Variants in COX15 observed in about 807,000 individuals in gnomAD.
The protein encoded by COX15 is cytochrome c oxidase assembly factor COX15.
A neutral mutation model predicts 51.9 loss-of-function variants in COX15; 51 were observed. That is an observed-to-expected ratio of 0.98 (90% CI 0.78 to 1.24). The LOEUF (loss-of-function observed/expected upper bound fraction) is 1.24, where lower values mean the gene tolerates loss of function less well. COX15 is among the 50% of genes most tolerant of loss of function. The pLI is 0.00. For missense variants in COX15, 420 were observed against 501.1 expected (o/e 0.84, Z 1.55); for synonymous variants, 188 against 190.5 (o/e 0.99, Z 0.11).
the COX15 span, chr10:99,698,428 T>C: frequency 3.6e-6 from 4 of 1,123,276 alleles, no homozygotes; most frequent in African/African-American, 4.7e-5. Flanking sequence ...AGAGATATCA[T>C]GAAAACCAGT....
At position 99,727,271 on chromosome 10, in the gene COX15, T is replaced by C. The variant is rs2036991257; in HGVS notation, c.396-117A>G. On this transcript the variant is annotated intron_variant, in intron 3 of 8. Coordinates refer to ENST00000016171, the MANE Select transcript of COX15 (RefSeq NM_078470.6). Reference sequence around the variant, plus strand: ...CCTGCAACTTGGTAGGTCTGCCCTCTTCCTCATCAACGACCTCAGGATGAC... The same window carrying C: ...CCTGCAACTTGGTAGGTCTGCCCTCCTCCTCATCAACGACCTCAGGATGAC... 1.8e-5 allele frequency: 25 copies of C among 1,427,920 alleles called. No individual in the cohort carries two copies. The South Asian group carries it at 2.5e-4, about 14-fold the overall frequency. The allele number at this position is 1,427,920 out of a possible 1,614,324, so 88.5% of individuals were successfully genotyped here.
chr10:99,724,735 TAA>T (rs780039476), intron 4 of COX15, among the ~76,000 whole-genome samples: 7 of 142,934 alleles, frequency 4.9e-5, no homozygotes, highest in South Asian at 2.2e-4. Flanking sequence ...TGATGAGCTT[TAA>T]AAAAAAAAAA....
At chr10:99,709,110 T>C, downstream of COX15, 1 of 982,364 alleles carries the variant, frequency 1.0e-6, no homozygotes, top group Non-Finnish European at 1.2e-6. Context: ...TTTATACAAT[T>C]TCCTTTACTA....
intron 4 of COX15, 24 bp from the exon 5 acceptor site, chr10:99,724,147 A>C: frequency 6.2e-7 from 1 of 1,613,706 alleles, no homozygotes; most frequent in Admixed American, 1.7e-5. Flanking sequence ...GAGATGAAGC[A>C]AACAAAACAA....
At chr10:99,717,796 T>C (rs1233880216) in intron 7 of COX15, among the ~76,000 whole-genome samples, 2 of 152,212 alleles carry the variant, frequency 1.3e-5, no homozygotes, top group Non-Finnish European at 2.9e-5. Flanking sequence ...AGCAGCACTA[T>C]GCTTCTCACA....
Position 99,722,224 on chromosome 10 carries a change from T to C in COX15, c.751-1156A>G, listed in dbSNP as rs1389048885. Among the ~76,000 whole-genome samples the C allele has an allele frequency of 4.6e-5, 7 of 152,326 alleles. No individual in the cohort carries two copies. In the East Asian group the frequency reaches 1.4e-3, roughly 29 times the overall value. ...CTAGTAGCTACTGTGTTGGACAGCATAGCACTATATGGCTCATTGGGTAGC... is the reference window on the plus strand; with the variant it reads ...CTAGTAGCTACTGTGTTGGACAGCACAGCACTATATGGCTCATTGGGTAGC... On this transcript the variant is annotated intron_variant, in intron 5 of 8. Coordinates refer to ENST00000016171, the MANE Select transcript of COX15 (RefSeq NM_078470.6).
intron 5 of COX15, chr10:99,723,106 C>G (rs1354175890): frequency 6.6e-6 from 1 of 151,922 alleles, no homozygotes; most frequent in Non-Finnish European, 1.5e-5. Flanking sequence ...GAACAGCTTA[C>G]TCAGGTCAAC....
chr10:99,716,435 T>C lies in COX15; in HGVS notation c.1014A>G (p.Thr338=), dbSNP rs1345558563. The part of the protein sequence containing the change: ...ILGITSVTAI[T]VLYFLSRRIP... ...TTCTCCGAGAGAGGAAGTAGAGCAC[T>C]GTAATGGCAGTGACTGAAGTGATTC... Residue 338 remains threonine, a synonymous_variant, in exon 8 of 9, where the codon ACA becomes ACG. Transcript: ENST00000016171. The C allele has an allele frequency of 6.2e-7, 1 of 1,613,454 alleles. No homozygotes were observed. Among genetic ancestry groups the C allele is most frequent in the East Asian group, 2.2e-5 (1 of 44,872 alleles).
intron 7 of COX15, 143 bp from the exon 8 acceptor site, chr10:99,716,604 T>C: frequency 1.6e-6 from 1 of 643,060 alleles, no homozygotes; most frequent in Non-Finnish European, 2.9e-6. Context: ...AGTCCCAGCC[T>C]GATCACTCCT....
chr10:99,715,480 A>G (rs1165299506), intron 8 of COX15, among the ~76,000 whole-genome samples: 1 of 149,300 alleles, frequency 6.7e-6, no homozygotes, highest in Non-Finnish European at 1.5e-5. Context: ...ATTTTTCACT[A>G]TCACAATTCT....
chr10:99,714,614 C>T lies in COX15; in HGVS notation c.1206G>A (p.Met402Ile). ...ATTTTGGGACTCTTCGGAGTTCATTCATCAGCCAAAGAGCACCAGTGAGCA... is the reference window on the plus strand; with the variant it reads ...ATTTTGGGACTCTTCGGAGTTCATTTATCAGCCAAAGAGCACCAGTGAGCA... ...LALLTGALWL[M>I]NELRRVPK Residue 402 changes from methionine to isoleucine, a missense_variant, in exon 9 of 9, where the codon ATG becomes ATA. By Grantham distance (10) the Met-to-Ile change is conservative. Coordinates refer to ENST00000016171, the MANE Select transcript of COX15 (RefSeq NM_078470.6). 6.2e-7 allele frequency: 1 copy of T among 1,614,118 alleles called. No individual in the cohort carries two copies. The highest frequency in any genetic ancestry group is 1.1e-5 in the South Asian group (1 of 91,082).
chr10:99,711,737 T>C lies in COX15; in HGVS notation c.*2850A>G, dbSNP rs895123603. ...GAAGTTGGGAATCTCTTCTAGGCAA[T>C]AGCATAAGCCCAGCCAGGGTCCAGC... On this transcript the variant is annotated 3_prime_UTR_variant, in exon 9 of 9. Coordinates refer to ENST00000016171, the MANE Select transcript of COX15 (RefSeq NM_078470.6). The C allele has an allele frequency of 1.2e-5, 12 of 985,320 alleles. No individual in the cohort carries two copies. The Admixed American group carries it at 1.8e-4, about 15-fold the overall frequency. 61.0% of individuals were successfully genotyped at this position (985,320 alleles called of 1,614,324 possible).
intron 1 of COX15, among the ~76,000 whole-genome samples, chr10:99,731,481 G>A (rs2037143397): frequency 1.3e-5 from 2 of 152,094 alleles, no homozygotes; most frequent in African/African-American, 4.8e-5. Flanking sequence ...ATATCCCTGT[G>A]AGTCCAAAGA....
the COX15 span, among the ~76,000 whole-genome samples, chr10:99,697,107 C>T: frequency 6.6e-6 from 1 of 152,160 alleles, no homozygotes; most frequent in Non-Finnish European, 1.5e-5. Flanking sequence ...ATATTTACGG[C>T]ATGTTGAAGA....
At chr10:99,717,258 C>A (rs550901429) in intron 7 of COX15, among the ~76,000 whole-genome samples, 49 of 152,334 alleles carry the variant, frequency 3.2e-4, no homozygotes, top group African/African-American at 1.2e-3. Flanking sequence ...CACACTCATT[C>A]TGAGGGTCCC....
At chr10:99,731,923 C>A in intron 1 of COX15, 37 bp downstream of exon 1, 1 of 1,581,510 alleles carries the variant, frequency 6.3e-7, no homozygotes. Flanking sequence ...CACTCCATCC[C>A]CGCTCCCGCG....
At position 99,732,084 on chromosome 10, in the gene COX15, C is replaced by T. The variant is rs959021121; in HGVS notation, c.-35G>A. The T allele has an allele frequency of 3.2e-5, 52 of 1,601,392 alleles. No homozygotes were observed. Among genetic ancestry groups the T allele is most frequent in the Non-Finnish European group, 4.3e-5 (51 of 1,173,924 alleles). The stretch of plus-strand genomic sequence containing the variant: ...AGGGAACAGCCACCTCTTCCACAAC[C>T]CAGGGCTCTGTGGTCTCCCTCCTCC... On this transcript the variant is annotated 5_prime_UTR_variant, in exon 1 of 9. Coordinates refer to ENST00000016171, the MANE Select transcript of COX15 (RefSeq NM_078470.6).
chr10:99,707,525 T>C (rs2036276169), downstream of COX15, among the ~76,000 whole-genome samples: 1 of 152,274 alleles, frequency 6.6e-6, no homozygotes. Context: ...TTTGCATTTC[T>C]GCACTTTGGT....
chr10:99,711,285 AT>A lies in COX15; in HGVS notation c.*3301del. On this transcript the variant is annotated 3_prime_UTR_variant, in exon 9 of 9. Coordinates refer to ENST00000016171, the MANE Select transcript of COX15 (RefSeq NM_078470.6). ...CTTCCTTGGAGGCAACTGTAGAAGC[AT>A]TAATATATGGTTCTTTGGGTTGGGT... 1 of 985,438 alleles carries A rather than the reference AT, an allele frequency of 1.0e-6. No homozygotes were observed. The highest frequency in any genetic ancestry group is 1.2e-6 in the Non-Finnish European group (1 of 829,926). The allele number at this position is 985,438 out of a possible 1,614,324, so 61.0% of individuals were successfully genotyped here.
Sources: allele counts gnomAD v4.1 joint callset (sites outside exome capture counted in the v4.1 genomes callset), GRCh38; gene constraint gnomAD v4.1.1; transcripts MANE v1.5; gene names NCBI Gene and HGNC (gene_info 2026-07-23, HGNC 2026-07-21).